KCNQ1: variants seen among roughly 807,000 people sequenced by gnomAD.
The protein encoded by KCNQ1 is potassium voltage-gated channel subfamily Q member 1.
KCNQ1 carries 49 observed loss-of-function variants against 72.4 expected under a neutral mutation model. The ratio of observed to expected loss-of-function variants is 0.68; its 90% CI spans 0.54 to 0.86. The LOEUF (loss-of-function observed/expected upper bound fraction) is 0.86. KCNQ1 is among the 40% of genes least tolerant of loss of function. The pLI is 0.00. For missense variants in KCNQ1, 790 were observed against 945.1 expected, an observed-to-expected ratio of 0.84 and a Z score of 2.15; for synonymous variants, 450 against 412.6, an observed-to-expected ratio of 1.09 and a Z score of -1.10.
chr11:2,701,937 G>A lies in KCNQ1; in HGVS notation c.1514+39856G>A, dbSNP rs143921469. On this transcript the variant is annotated intron_variant, in intron 11 of 15. Transcript: ENST00000155840. ...TCTTGGAGCCATTGAGATAGGAAAC[G>A]AGAGAGATTATGTGAGAAGACAGGG... 2.5e-3 allele frequency among the ~76,000 whole-genome samples: 379 copies of A among 152,348 alleles called. 1 individual carries two copies. The highest frequency in any genetic ancestry group is 8.9e-3 in the African/African-American group (368 of 41,578).
At chr11:2,604,578 C>T (rs906845477) in intron 10 of KCNQ1, among the ~76,000 whole-genome samples, 7 of 151,790 alleles carry the variant, frequency 4.6e-5, no homozygotes, top group Non-Finnish European at 7.4e-5. Flanking sequence ...TGAAGTCTTG[C>T]TCTGTCGCCA....
In KCNQ1 at chr11:2,464,139, G is replaced by A. The variant is rs923617365; in HGVS notation, c.386+18655G>A. 2.0e-5 allele frequency among the ~76,000 whole-genome samples: 3 copies of A among 152,228 alleles called. No homozygotes were observed. Among genetic ancestry groups the A allele is most frequent in the South Asian group, 2.1e-4 (1 of 4,826 alleles). On this transcript the variant is annotated intron_variant, in intron 1 of 15. Transcript: ENST00000155840. The surrounding 1 kb of genome is among the most constrained non-coding windows in gnomAD (Gnocchi z 5.0). Reference sequence around the variant, plus strand: ...TGACTGGCACAGGGATGTGGACTACGGTGCTTGCCATCAGCAGATACAAGC... The same window carrying A: ...TGACTGGCACAGGGATGTGGACTACAGTGCTTGCCATCAGCAGATACAAGC...
rs1361872599 is a variant in KCNQ1 at position 2,830,901 on chromosome 11, A to C, written c.1795-16866A>C. Among the ~76,000 whole-genome samples, 1 of 152,150 alleles carries C rather than the reference A, an allele frequency of 6.6e-6. No homozygotes were observed. Among genetic ancestry groups the C allele is most frequent in the Non-Finnish European group, 1.5e-5 (1 of 68,006 alleles). On this transcript the variant is annotated intron_variant, in intron 15 of 15. Transcript: ENST00000155840. The surrounding 1 kb of genome is among the most constrained non-coding windows in gnomAD (Gnocchi z 7.7). ...CAGGAAAATGCAGGGTTAGGAGCTG[A>C]CCAGGGAGTCTTTGAAACCGCAAGG... is the stretch of plus-strand genomic sequence containing the variant.
At chr11:2,820,207 C>T (rs1021964705) in intron 15 of KCNQ1, among the ~76,000 whole-genome samples, 8 of 152,214 alleles carry the variant, frequency 5.3e-5, no homozygotes, top group Non-Finnish European at 1.2e-4. Context: ...AAATTGCCAT[C>T]GATACTTCTC....
chr11:2,791,706 TG>T (rs1330144302), intron 15 of KCNQ1, among the ~76,000 whole-genome samples: 2 of 124,858 alleles, frequency 1.6e-5, no homozygotes, highest in Non-Finnish European at 3.4e-5. Flanking sequence ...CGGGTGGGGG[TG>T]GGGGGCCCGG....
At chr11:2,684,036 C>T in intron 11 of KCNQ1, 2 of 398,478 alleles carry the variant, frequency 5.0e-6, no homozygotes, top group Admixed American at 4.4e-5. Flanking sequence ...TAACTTCATC[C>T]TCCCCCTTTA....
chr11:2,575,842 C>A (rs747191397), intron 6 of KCNQ1, among the ~76,000 whole-genome samples: 1 of 152,184 alleles, frequency 6.6e-6, no homozygotes, highest in African/African-American at 2.4e-5. Flanking sequence ...ACAAAGTCCG[C>A]GAACTGCTGG....
rs12291654 is a variant in KCNQ1, at chr11:2,550,956, T to C, written c.478-19672T>C. ...CAGCTGCTCCCAGGCCAGACTCTGG[T>C]GGTAGCAGGAGGCAGGGGAGGCTGT... On this transcript the variant is annotated intron_variant, in intron 2 of 15. Coordinates refer to ENST00000155840, the MANE Select transcript of KCNQ1 (RefSeq NM_000218.3). The surrounding 1 kb of genome is among the most constrained non-coding windows in gnomAD (Gnocchi z 6.0). 0.21 allele frequency among the ~76,000 whole-genome samples: 31,865 copies of C among 151,954 alleles called. 3,495 individuals carry two copies. Among genetic ancestry groups the C allele is most frequent in the Non-Finnish European group, 0.24 (16,576 of 67,920 alleles).
rs1846507589 is a variant in KCNQ1 at position 2,766,884 on chromosome 11, A to T, written c.1515-1960A>T. On this transcript the variant is annotated intron_variant, in intron 11 of 15. Coordinates refer to ENST00000155840, the MANE Select transcript of KCNQ1 (RefSeq NM_000218.3). The surrounding 1 kb of genome is among the most constrained non-coding windows in gnomAD (Gnocchi z 4.4). ...ACTAGACCTAAATTTAGTGGCTTCA[A>T]ATATTTTCTTTGGGCCGGGCATGGT... Among the ~76,000 whole-genome samples, 1 of 152,204 alleles carries T rather than the reference A, an allele frequency of 6.6e-6. No homozygotes were observed. Among genetic ancestry groups the T allele is most frequent in the South Asian group, 2.1e-4 (1 of 4,826 alleles).
chr11:2,824,532 A>G lies in KCNQ1; in HGVS notation c.1795-23235A>G, dbSNP rs1384366111. 6.6e-6 allele frequency among the ~76,000 whole-genome samples: 1 copy of G among 152,170 alleles called. No homozygotes were observed. Among genetic ancestry groups the G allele is most frequent in the Admixed American group, 6.5e-5 (1 of 15,286 alleles). On this transcript the variant is annotated intron_variant, in intron 15 of 15. Transcript: ENST00000155840. This position sits in a 1 kb window ranked among gnomAD's most constrained non-coding sequence, Gnocchi z 5.9. Reference sequence around the variant, plus strand: ...GTGTTTGCCCGGCAGTTTAGGCTGCAAGGCTCAGCAGGGAGATTGGAGCTG... The same window carrying G: ...GTGTTTGCCCGGCAGTTTAGGCTGCGAGGCTCAGCAGGGAGATTGGAGCTG...
chr11:2,486,909 T>A lies in KCNQ1; in HGVS notation c.387-41019T>A, dbSNP rs2188956. Among the ~76,000 whole-genome samples, 2 of 151,964 alleles carry A rather than the reference T, an allele frequency of 1.3e-5. No individual in the cohort carries two copies. Among genetic ancestry groups the A allele is most frequent in the Admixed American group, 1.3e-4 (2 of 15,276 alleles). ...CAACATGAGAGTTGGAGGGGACAAA[T>A]ATCTGAACTCTATCAATGTTATATC... On this transcript the variant is annotated intron_variant, in intron 1 of 15. Coordinates refer to ENST00000155840, the MANE Select transcript of KCNQ1 (RefSeq NM_000218.3). The surrounding 1 kb of genome is among the most constrained non-coding windows in gnomAD (Gnocchi z 5.0).
chr11:2,665,971 C>T, intron 11 of KCNQ1: 1 of 398,686 alleles, frequency 2.5e-6, no homozygotes, highest in Non-Finnish European at 4.4e-6. Flanking sequence ...GCATCCCCAA[C>T]TGCCAAGCCA....
rs879214037 is a variant in KCNQ1 at position 2,682,563 on chromosome 11, A to G, written c.1514+20482A>G. ...ACCCTGGCAGGGGTTCCATAAGGCT[A>G]TGCTGGGGTTCAGGCAACCCAAGGC... On this transcript the variant is annotated intron_variant, in intron 11 of 15. Transcript: ENST00000155840. This position sits in a 1 kb window ranked among gnomAD's most constrained non-coding sequence, Gnocchi z 5.8. The G allele has an allele frequency of 7.5e-6, 3 of 398,468 alleles. No homozygotes were observed. The highest frequency in any genetic ancestry group is 2.1e-5 in the African/African-American group (1 of 48,610). 24.7% of individuals were successfully genotyped at this position (398,468 alleles called of 1,614,324 possible). A position where few individuals can be genotyped will look rare whatever the true frequency, so the allele number is the denominator to read the frequency against.
chr11:2,774,454 A>G (rs745373825), intron 12 of KCNQ1, among the ~76,000 whole-genome samples: 1 of 152,212 alleles, frequency 6.6e-6, no homozygotes, highest in Non-Finnish European at 1.5e-5. Context: ...TCTCCCGTTC[A>G]GGGCCCAGAG....
In KCNQ1 at chr11:2,673,972, C is replaced by G; in HGVS notation, c.1514+11891C>G. On this transcript the variant is annotated intron_variant, in intron 11 of 15. Transcript: ENST00000155840. This position sits in a 1 kb window ranked among gnomAD's most constrained non-coding sequence, Gnocchi z 4.5. Reference sequence around the variant, plus strand: ...GTGACAGCAGCCACAAGGGGATGCCCAGCATTGGGGGTGGGGTGGGGGGAG... The same window carrying G: ...GTGACAGCAGCCACAAGGGGATGCCGAGCATTGGGGGTGGGGTGGGGGGAG... The G allele has an allele frequency of 2.7e-6, 1 of 369,966 alleles. No homozygotes were observed. The highest frequency in any genetic ancestry group is 4.6e-6 in the Non-Finnish European group (1 of 218,508). The allele number at this position is 369,966 out of a possible 1,614,324, so 22.9% of individuals were successfully genotyped here. A position where few individuals can be genotyped will look rare whatever the true frequency, so the allele number is the denominator to read the frequency against.
intron 15 of KCNQ1, among the ~76,000 whole-genome samples, chr11:2,797,171 C>G (rs968488307): frequency 6.7e-6 from 1 of 149,416 alleles, no homozygotes; most frequent in Non-Finnish European, 1.5e-5. Flanking sequence ...GGGGGGGTGG[C>G]GGGGGGGAGG....
At chr11:2,522,829 C>T (rs1031898404) in intron 1 of KCNQ1, among the ~76,000 whole-genome samples, 7 of 152,228 alleles carry the variant, frequency 4.6e-5, no homozygotes, top group African/African-American at 1.4e-4. Flanking sequence ...TTCCACTGCA[C>T]GGGACTTTCC....
At position 2,645,900 on chromosome 11, in the gene KCNQ1, A is replaced by C; in HGVS notation, c.1394-16061A>C. On this transcript the variant is annotated intron_variant, in intron 10 of 15. Transcript: ENST00000155840. The surrounding 1 kb of genome is among the most constrained non-coding windows in gnomAD (Gnocchi z 5.8). ...TGATCTCCCTCTCTGGGAGCTGTTC[A>C]TTGCCATTTCACAGTCTGTAGGTAG... The C allele has an allele frequency of 2.5e-6, 1 of 398,596 alleles. No homozygotes were observed. The highest frequency in any genetic ancestry group is 1.3e-4 in the South Asian group (1 of 7,852). 24.7% of individuals were successfully genotyped at this position (398,596 alleles called of 1,614,324 possible).
At chr11:2,532,016 C>T (rs1378846842) in intron 2 of KCNQ1, among the ~76,000 whole-genome samples, 1 of 152,236 alleles carries the variant, frequency 6.6e-6, no homozygotes, top group African/African-American at 2.4e-5. Flanking sequence ...CTTGGACATT[C>T]CTGGCTGCCC....
Sources: gnomAD v4.1 joint callset for allele counts (sites outside exome capture counted in the v4.1 genomes callset) on GRCh38, gnomAD v4.1.1 for gene constraint, Gnocchi (gnomAD v3.1) non-coding constraint, MANE v1.5 for transcripts, NCBI Gene and HGNC (gene_info 2026-07-23, HGNC 2026-07-21) for gene names.